The following NELL1 variants were observed in gnomAD, a reference collection of about 807,000 sequenced individuals.
NELL1 encodes protein kinase C-binding protein NELL1.
A neutral mutation model predicts 107.4 loss-of-function variants in NELL1; 76 were observed. The ratio of observed to expected loss-of-function variants is 0.71; its 90% CI spans 0.59 to 0.86. The LOEUF is 0.86. Ranked by LOEUF, NELL1 falls within the 40% of genes least tolerant of loss-of-function variation. The pLI is 0.00. For synonymous variants in NELL1, 353 were observed against 341.2 expected (o/e 1.03, Z -0.38); for missense variants, 1,024 against 1,005.5 (o/e 1.02, Z -0.25).
At chr11:21,564,557 T>A (rs1425259697) in intron 17 of NELL1, among the ~76,000 whole-genome samples, 1 of 151,922 alleles carries the variant, frequency 6.6e-6, no homozygotes, top group Non-Finnish European at 1.5e-5. Flanking sequence ...AACTGGATAA[T>A]CTAGTGGGAG....
intron 12 of NELL1, among the ~76,000 whole-genome samples, chr11:21,067,394 T>C (rs1363463743): frequency 6.6e-6 from 1 of 152,130 alleles, no homozygotes; most frequent in African/African-American, 2.4e-5. Context: ...TAAAGTAGTG[T>C]TCAAAAATCT....
At chr11:21,402,411 A>G (rs1852120114) in intron 15 of NELL1, among the ~76,000 whole-genome samples, 1 of 151,794 alleles carries the variant, frequency 6.6e-6, no homozygotes, top group African/African-American at 2.4e-5. Context: ...AGAGATGACA[A>G]TTTTGGCATG....
rs2134018429 is a variant in NELL1 at position 21,575,166 on chromosome 11, GT to G, written c.*147del. 1.4e-6 allele frequency: 1 copy of G among 733,814 alleles called. No individual in the cohort carries two copies. The highest frequency in any genetic ancestry group is 1.7e-5 in the South Asian group (1 of 58,546). 45.5% of individuals were successfully genotyped at this position (733,814 alleles called of 1,614,324 possible). On this transcript the variant is annotated 3_prime_UTR_variant, in exon 20 of 20. Transcript: ENST00000357134. ...GCCAAAGTTTCCACCTGAGGACGGT[GT>G]TTGGAGGTTGCCTTTTGGACCTACC...
intron 13 of NELL1, among the ~76,000 whole-genome samples, chr11:21,227,957 G>C (rs1024163344): frequency 6.6e-6 from 1 of 152,162 alleles, no homozygotes; most frequent in African/African-American, 2.4e-5. Context: ...AATGAAGATT[G>C]ATGGTTTTTC....
intron 16 of NELL1, among the ~76,000 whole-genome samples, chr11:21,556,709 T>C (rs986652090): frequency 1.3e-5 from 2 of 151,984 alleles, no homozygotes; most frequent in African/African-American, 4.8e-5. Flanking sequence ...AAAATGTTAA[T>C]GCAAGAAAAT....
At chr11:20,912,744 C>CT (rs2134150256) in intron 5 of NELL1, among the ~76,000 whole-genome samples, 1 of 152,244 alleles carries the variant, frequency 6.6e-6, no homozygotes, top group Non-Finnish European at 1.5e-5. Context: ...TTGATTACAA[C>CT]TTTTTAAAAA....
intron 3 of NELL1, among the ~76,000 whole-genome samples, chr11:20,786,126 G>A (rs753260759): frequency 6.6e-5 from 10 of 151,346 alleles, no homozygotes; most frequent in East Asian, 1.9e-4. Flanking sequence ...CAAGAAGGGC[G>A]GATCACCTGA....
At chr11:21,036,271 A>G (rs956784639) in intron 12 of NELL1, among the ~76,000 whole-genome samples, 9 of 152,142 alleles carry the variant, frequency 5.9e-5, no homozygotes, top group Non-Finnish European at 1.5e-5. Context: ...CATGCTCATA[A>G]ATAGAAGAAT....
At chr11:20,763,422 T>A (rs1297739617) in intron 2 of NELL1, among the ~76,000 whole-genome samples, 1 of 152,122 alleles carries the variant, frequency 6.6e-6, no homozygotes, top group Non-Finnish European at 1.5e-5. Flanking sequence ...ATAGAAATAT[T>A]CTCATTAGTC....
At chr11:21,108,773 G>A (rs1027615203) in intron 12 of NELL1, among the ~76,000 whole-genome samples, 3 of 152,080 alleles carry the variant, frequency 2.0e-5, no homozygotes, top group African/African-American at 7.2e-5. Flanking sequence ...ATAAGGATTT[G>A]ATTTAAAAGA....
chr11:20,798,481 G>A (rs1007382305), intron 3 of NELL1, among the ~76,000 whole-genome samples: 2 of 148,258 alleles, frequency 1.3e-5, no homozygotes, highest in African/African-American at 4.9e-5. Flanking sequence ...AATCATTTAA[G>A]CTCAATGGAA....
intron 13 of NELL1, among the ~76,000 whole-genome samples, chr11:21,226,446 A>T (rs1286357942): frequency 1.3e-5 from 2 of 152,188 alleles, no homozygotes; most frequent in Non-Finnish European, 2.9e-5. Context: ...TCTACTTACC[A>T]GTTCTATGAT....
chr11:20,843,154 C>T lies in NELL1; in HGVS notation c.336-4429C>T, dbSNP rs530408422. Among the ~76,000 whole-genome samples, 6 of 152,180 alleles carry T rather than the reference C, an allele frequency of 3.9e-5. No individual in the cohort carries two copies. In the East Asian group the frequency reaches 1.2e-3, roughly 29 times the overall value. ...TCCTTTTATAGAAAGTAGCTGGACA[C>T]CTGCCTGGGTTTCTCTCTATCTGGA... On this transcript the variant is annotated intron_variant, in intron 3 of 19. Coordinates refer to ENST00000357134, the MANE Select transcript of NELL1 (RefSeq NM_006157.5).
chr11:21,031,784 C>G (rs1161621850), intron 12 of NELL1, among the ~76,000 whole-genome samples: 1 of 151,976 alleles, frequency 6.6e-6, no homozygotes, highest in Non-Finnish European at 1.5e-5. Context: ...CATGGTGGCT[C>G]ACGCCTGTAA....
chr11:20,921,915 C>T (rs969307471), intron 7 of NELL1, among the ~76,000 whole-genome samples: 3 of 150,682 alleles, frequency 2.0e-5, no homozygotes, highest in Non-Finnish European at 4.4e-5. Flanking sequence ...TATTTTCAAA[C>T]CAGATTGCTC....
chr11:20,766,741 T>TA (rs1554916468), intron 2 of NELL1, among the ~76,000 whole-genome samples: 1,228 of 121,966 alleles, frequency 0.01, 9 homozygotes, highest in Admixed American at 0.015. Flanking sequence ...TATTGACATA[T>TA]TTTTTTTTTT....
chr11:21,520,705 G>T (rs749430226), intron 15 of NELL1, among the ~76,000 whole-genome samples: 1 of 152,118 alleles, frequency 6.6e-6, no homozygotes. Flanking sequence ...AGTGTCTAAA[G>T]GTGCATCAGC....
intron 12 of NELL1, among the ~76,000 whole-genome samples, chr11:21,056,476 G>A (rs1310938472): frequency 1.3e-5 from 2 of 152,016 alleles, no homozygotes; most frequent in Admixed American, 1.3e-4. Context: ...TCTGACCTCA[G>A]TGTTGTCATC....
intron 12 of NELL1, among the ~76,000 whole-genome samples, chr11:21,070,986 A>G (rs1853998926): frequency 2.0e-5 from 3 of 151,490 alleles, no homozygotes; most frequent in South Asian, 4.3e-4. Flanking sequence ...TAAAGACGCT[A>G]AGCATTTTAA....
Sources: allele counts gnomAD v4.1 joint callset (sites outside exome capture counted in the v4.1 genomes callset), GRCh38; gene constraint gnomAD v4.1.1; transcripts MANE v1.5; gene names NCBI Gene and HGNC (gene_info 2026-07-23, HGNC 2026-07-21).